Variants in CAMTA1 observed in about 807,000 individuals in gnomAD.
CAMTA1 encodes the protein calmodulin binding transcription activator 1.
In CAMTA1, 27 loss-of-function variants were observed where a neutral mutation model predicts 170.9. The observed-to-expected ratio is 0.16, with a 90% CI of 0.12 to 0.22. CAMTA1 has a LOEUF of 0.22. Ranked by LOEUF, CAMTA1 falls within the 10% of genes least tolerant of loss-of-function variation. CAMTA1 has a pLI of 1.00. For missense variants in CAMTA1, 1,619 were observed against 2,217.2 expected (o/e 0.73, Z 5.42); for synonymous variants, 833 against 891.5 (o/e 0.93, Z 1.17).
chr1:7,218,787 G>T (rs183229606), intron 4 of CAMTA1, among the ~76,000 whole-genome samples: 13 of 152,156 alleles, frequency 8.5e-5, no homozygotes, highest in African/African-American at 1.2e-4. Context: ...AAAAGTTCTG[G>T]GTGGGAACTC....
chr1:7,624,162 G>A (rs1336927636), intron 6 of CAMTA1, among the ~76,000 whole-genome samples: 1 of 152,212 alleles, frequency 6.6e-6, no homozygotes, highest in Non-Finnish European at 1.5e-5. Flanking sequence ...AAACAAACAG[G>A]GAGCGAGTGC....
chr1:7,509,328 G>A lies in CAMTA1; in HGVS notation c.510+41427G>A, dbSNP rs1244193959. On this transcript the variant is annotated intron_variant, in intron 6 of 22. Coordinates refer to ENST00000303635, the MANE Select transcript of CAMTA1 (RefSeq NM_015215.4). ...ACAGCTGGAAGATAAACAGAGCAGC[G>A]CTGGCCAGATGACAGAGCTGCCTTC... Among the ~76,000 whole-genome samples, 4 of 152,126 alleles carry A rather than the reference G, an allele frequency of 2.6e-5. No individual in the cohort carries two copies. In the East Asian group the frequency reaches 7.7e-4, roughly 29 times the overall value.
intron 3 of CAMTA1, among the ~76,000 whole-genome samples, chr1:6,982,376 A>T (rs1360663592): frequency 1.3e-5 from 2 of 152,196 alleles, no homozygotes; most frequent in Non-Finnish European, 2.9e-5. Flanking sequence ...TCCCTCTCCC[A>T]TGCTGGCCAC....
rs140323873 is a variant in CAMTA1, at chr1:7,101,449, C to A, written c.302+10078C>A. Among the ~76,000 whole-genome samples the A allele has an allele frequency of 4.4e-3, 676 of 152,320 alleles. 6 individuals carry two copies. Among genetic ancestry groups the A allele is most frequent in the African/African-American group, 0.015 (644 of 41,558 alleles). ...CTGGGGGTTCTGGGCTGGAGATTCT[C>A]CCCCTGTGCTGTTTGGCTAGGAGGT... On this transcript the variant is annotated intron_variant, in intron 4 of 22. Transcript: ENST00000303635.
chr1:6,873,653 C>A (rs1296203070), intron 3 of CAMTA1, among the ~76,000 whole-genome samples: 2 of 152,202 alleles, frequency 1.3e-5, no homozygotes, highest in Non-Finnish European at 2.9e-5. Flanking sequence ...GTTTTTAATT[C>A]TCTTATTTTA....
rs1168033672 is a variant in CAMTA1 at position 7,557,291 on chromosome 1, G to A, written c.511-83109G>A. Among the ~76,000 whole-genome samples the A allele has an allele frequency of 5.4e-5, 8 of 147,708 alleles. No individual in the cohort carries two copies. In the East Asian group the frequency reaches 1.2e-3, roughly 23 times the overall value. On this transcript the variant is annotated intron_variant, in intron 6 of 22. Coordinates refer to ENST00000303635, the MANE Select transcript of CAMTA1 (RefSeq NM_015215.4). ...CCACTGCACTCCAGCCTGGGCGACA[G>A]AACAAGACTCCGTTCAGAAAAAAAA...
rs1553247058 is a variant in CAMTA1 at position 7,680,842 on chromosome 1, ACGCG to A, written c.2914+3125_2914+3128del. 7.1e-6 allele frequency among the ~76,000 whole-genome samples: 1 copy of A among 141,056 alleles called. No homozygotes were observed. The highest frequency in any genetic ancestry group is 2.6e-5 in the African/African-American group (1 of 38,398). 92.5% of individuals were successfully genotyped at this position (141,056 alleles called of 152,430 possible). On this transcript the variant is annotated intron_variant, in intron 11 of 22. Coordinates refer to ENST00000303635, the MANE Select transcript of CAMTA1 (RefSeq NM_015215.4). The surrounding 1 kb of genome is among the most constrained non-coding windows in gnomAD (Gnocchi z 4.4). ...GGCGTGGGTCCGGGGCGCAGAGAAC[ACGCG>A]CGCGCGCGCGCGCGCCAGCAGCAGC... is the stretch of plus-strand genomic sequence containing the variant.
In CAMTA1 at chr1:7,663,962, G is replaced by A; in HGVS notation, c.1415G>A (p.Gly472Asp). The part of the protein sequence containing the change: ...EELVLSTTLD[G>D]GRKIPETTMN... ...CTGGTCCTCTCCACCACCCTCGACG[G>A]TGGCCGGAAGATTCCAGAAACCACC... Residue 472 changes from glycine (G) to aspartate (D), a missense_variant, in exon 9 of 23, where the codon GGT becomes GAT. Gly to Asp is a moderately conservative substitution (Grantham distance 94, BLOSUM62 -1). Around this residue, in one of 8 missense-constraint regions of CAMTA1, gnomAD observed 731 missense variants for 907.6 expected, o/e 0.81. Transcript: ENST00000303635. 6.2e-7 allele frequency: 1 copy of A among 1,613,818 alleles called. No homozygotes were observed.
intron 5 of CAMTA1, among the ~76,000 whole-genome samples, chr1:7,420,122 C>T (rs1196578233): frequency 1.3e-5 from 2 of 152,118 alleles, no homozygotes; most frequent in Non-Finnish European, 2.9e-5. Flanking sequence ...CACTCTGGGC[C>T]CGCACACCCT....
At chr1:7,168,653 C>T (rs1199944659) in intron 4 of CAMTA1, among the ~76,000 whole-genome samples, 1 of 152,202 alleles carries the variant, frequency 6.6e-6, no homozygotes, top group Admixed American at 6.5e-5. Flanking sequence ...ATCCACCCAC[C>T]TCGGCCTCCT....
chr1:7,361,440 G>A (rs941941757), intron 5 of CAMTA1, among the ~76,000 whole-genome samples: 5 of 152,274 alleles, frequency 3.3e-5, no homozygotes, highest in African/African-American at 9.6e-5. Context: ...TTTGTTGGGC[G>A]AGTCAAAGCT....
intron 3 of CAMTA1, among the ~76,000 whole-genome samples, chr1:6,995,772 G>A (rs966033698): frequency 6.6e-6 from 1 of 152,206 alleles, no homozygotes; most frequent in African/African-American, 2.4e-5. Flanking sequence ...AGCACCAGGA[G>A]TGGTCAGAGG....
chr1:7,259,872 G>A lies in CAMTA1; in HGVS notation c.438+10246G>A, dbSNP rs184441808. Among the ~76,000 whole-genome samples, 8 of 152,282 alleles carry A rather than the reference G, an allele frequency of 5.3e-5. No homozygotes were observed. In the East Asian group the frequency reaches 1.3e-3, roughly 26 times the overall value. ...AATGGTCCTGTTCTTCCATCCTTTA[G>A]CTCCTCTGAACGGGGAACTTGCCTG... On this transcript the variant is annotated intron_variant, in intron 5 of 22. Coordinates refer to ENST00000303635, the MANE Select transcript of CAMTA1 (RefSeq NM_015215.4).
intron 18 of CAMTA1, among the ~76,000 whole-genome samples, 184 bp from the exon 19 acceptor site, chr1:7,747,526 G>A (rs1012995436): frequency 6.6e-6 from 1 of 152,162 alleles, no homozygotes; most frequent in Non-Finnish European, 1.5e-5. Flanking sequence ...TTATTTAGAA[G>A]CAAGGATAGT....
chr1:7,733,948 G>C (rs1041328461), intron 12 of CAMTA1, among the ~76,000 whole-genome samples: 1 of 152,000 alleles, frequency 6.6e-6, no homozygotes, highest in African/African-American at 2.4e-5. Context: ...GCTAAGATAG[G>C]CTTCTTTTTT....
intron 5 of CAMTA1, among the ~76,000 whole-genome samples, chr1:7,431,785 G>T (rs1190996965): frequency 6.6e-6 from 1 of 152,166 alleles, no homozygotes; most frequent in African/African-American, 2.4e-5. Context: ...CTTCCCTGCA[G>T]ATCTTTGAGA....
rs1272180913 is a variant in CAMTA1 at position 7,649,964 on chromosome 1, G to C, written c.664+9411G>C. ...TCTCTTTAAAAATGGAAGGCTCCAG[G>C]CCAGGTAGTTGGGAGCTCAGAGGCG... On this transcript the variant is annotated intron_variant, in intron 7 of 22. Transcript: ENST00000303635. 2.0e-5 allele frequency among the ~76,000 whole-genome samples: 3 copies of C among 152,328 alleles called. No homozygotes were observed. The East Asian group carries it at 5.8e-4, about 29-fold the overall frequency.
At chr1:7,669,125 A>G (rs978218546) in intron 9 of CAMTA1, among the ~76,000 whole-genome samples, 2 of 152,164 alleles carry the variant, frequency 1.3e-5, no homozygotes, top group Admixed American at 6.5e-5. Flanking sequence ...TTGCCTGAGG[A>G]CACACAGCTA....
chr1:6,807,170 A>T, intron 1 of CAMTA1: 1 of 448,964 alleles, frequency 2.2e-6, no homozygotes, highest in Non-Finnish European at 4.0e-6. Flanking sequence ...GGAAAATGGG[A>T]ATTAATTGTG....
Sources: gnomAD v4.1 joint callset for allele counts (sites outside exome capture counted in the v4.1 genomes callset) on GRCh38, gnomAD v4.1.1 for gene constraint, gnomAD v4.1.1 regional missense constraint, Gnocchi (gnomAD v3.1) non-coding constraint, MANE v1.5 for transcripts, NCBI Gene and HGNC (gene_info 2026-07-23, HGNC 2026-07-21) for gene names.